TTC19: variants seen among roughly 807,000 people sequenced by gnomAD.
The protein encoded by TTC19 is tetratricopeptide repeat protein 19, mitochondrial.
A neutral mutation model predicts 49.5 loss-of-function variants in TTC19; 38 were observed. That is an observed-to-expected ratio of 0.77 (90% CI 0.59 to 1.01). The LOEUF (loss-of-function observed/expected upper bound fraction) is 1.01. Among genes scored for constraint, TTC19 ranks in the 50% least tolerant of loss-of-function variants. The pLI, the probability that TTC19 is intolerant of heterozygous loss-of-function variation, is 0.00. For synonymous variants in TTC19, 204 were observed against 185.2 expected (o/e 1.10, Z -0.83); for missense variants, 475 against 477.7 (o/e 0.99, Z 0.05).
At chr17:16,029,898 T>C (rs144790499), downstream of TTC19, 1 of 153,858 alleles carries the variant, frequency 6.5e-6, no homozygotes, top group African/African-American at 2.4e-5. Context: ...GGTCCTCAGG[T>C]AGAACTGCAA....
chr17:16,019,629 AG>A (rs1971312898), intron 7 of TTC19, among the ~76,000 whole-genome samples: 1 of 152,158 alleles, frequency 6.6e-6, no homozygotes, highest in Non-Finnish European at 1.5e-5. Context: ...TACAAGCTAA[AG>A]GTGGCCCTGT....
At chr17:16,021,126 G>A (rs774426884) in intron 7 of TTC19, among the ~76,000 whole-genome samples, 42 of 152,172 alleles carry the variant, frequency 2.8e-4, no homozygotes, top group Non-Finnish European at 5.4e-4. Context: ...AGTGGCTCAC[G>A]CCTGTAATCC....
chr17:16,010,782 A>C (rs971410479), intron 7 of TTC19, among the ~76,000 whole-genome samples: 2 of 151,894 alleles, frequency 1.3e-5, no homozygotes, highest in Admixed American at 6.6e-5. Context: ...CCTATTTTCA[A>C]CTCTTAACCA....
At chr17:16,029,920 T>A (rs1349702727), downstream of TTC19, 2 of 155,102 alleles carry the variant, frequency 1.3e-5, no homozygotes, top group Non-Finnish European at 2.9e-5. Flanking sequence ...AGTAAGAAGT[T>A]AGGCTCTGAT....
At chr17:16,023,166 G>T (rs775196531) in intron 7 of TTC19, among the ~76,000 whole-genome samples, 1 of 152,148 alleles carries the variant, frequency 6.6e-6, no homozygotes, top group African/African-American at 2.4e-5. Flanking sequence ...TTTTCAGAAA[G>T]TGTTTCCATT....
intron 2 of TTC19, chr17:16,041,404 C>CTTTTTTCTT (rs2057551774): frequency 1.9e-5 from 2 of 103,790 alleles, no homozygotes; most frequent in East Asian, 2.3e-4. Context: ...TGTGAAAGTT[C>CTTTTTTCTT]TTTTTTTTTT....
At chr17:16,004,893 C>G (rs970126826) in intron 6 of TTC19, among the ~76,000 whole-genome samples, 1 of 152,218 alleles carries the variant, frequency 6.6e-6, no homozygotes, top group African/African-American at 2.4e-5. Flanking sequence ...CCTGCATAGT[C>G]TCCTTGCATT....
Position 16,004,267 on chromosome 17 carries a change from G to A in TTC19, c.581+5G>A. 6.2e-7 allele frequency: 1 copy of A among 1,613,868 alleles called. No individual in the cohort carries two copies. Among genetic ancestry groups the A allele is most frequent in the Non-Finnish European group, 8.5e-7 (1 of 1,179,688 alleles). ...TATCTATGCTGCGCAGAACAGGTAAGTACAGCAGCCAGGGAGTAGGACTGT... is the reference window on the plus strand; with the variant it reads ...TATCTATGCTGCGCAGAACAGGTAAATACAGCAGCCAGGGAGTAGGACTGT... On this transcript the variant is annotated splice_donor_5th_base_variant and intron_variant, in intron 6 of 9. Coordinates refer to ENST00000261647, the MANE Select transcript of TTC19 (RefSeq NM_017775.4).
In TTC19 at chr17:16,025,217, A is replaced by G. The variant is rs756286251; in HGVS notation, c.831+46A>G. ...AGGGGGAATATAAAACAAAGGCTTCAAAATTGAAGGGTGTGAAATGTCACA... is the reference window on the plus strand; with the variant it reads ...AGGGGGAATATAAAACAAAGGCTTCGAAATTGAAGGGTGTGAAATGTCACA... On this transcript the variant is annotated intron_variant, in intron 8 of 9. Transcript: ENST00000261647. The G allele has an allele frequency of 4.4e-6, 7 of 1,588,232 alleles. No individual in the cohort carries two copies. The African/African-American group carries it at 8.1e-5, about 18-fold the overall frequency.
At chr17:16,002,765 T>A in intron 3 of TTC19, 28 bp from the exon 4 acceptor site, 1 of 1,612,344 alleles carries the variant, frequency 6.2e-7, no homozygotes, top group Non-Finnish European at 8.5e-7. Flanking sequence ...TATTCTAAAC[T>A]GAAAAACAAT....
intron 7 of TTC19, among the ~76,000 whole-genome samples, chr17:16,021,692 T>C (rs994928021): frequency 6.6e-6 from 1 of 152,218 alleles, no homozygotes; most frequent in African/African-American, 2.4e-5. Context: ...TGGTGTATGC[T>C]GCTTGACTTA....
At chr17:16,032,345 G>A (rs745396360), downstream of TTC19, 8 of 1,614,090 alleles carry the variant, frequency 5.0e-6, no homozygotes, top group South Asian at 8.8e-5. Context: ...GAGCAGTGGG[G>A]CAGGCTCTCG....
intron 7 of TTC19, among the ~76,000 whole-genome samples, chr17:16,007,835 T>C (rs1970957256): frequency 6.6e-6 from 1 of 152,220 alleles, no homozygotes; most frequent in Non-Finnish European, 1.5e-5. Context: ...TGACTGCAGA[T>C]AACTGAAACC....
rs1180963874 is a variant in TTC19, at chr17:16,020,315, T to C, written c.677-4702T>C. On this transcript the variant is annotated intron_variant, in intron 7 of 9. Transcript: ENST00000261647. ...TTTATCGGTTATTCAGATTACCTGC[T>C]CTGAAAATTATTTCTTCATATCTTT... 1.2e-4 allele frequency among the ~76,000 whole-genome samples: 18 copies of C among 152,244 alleles called. 1 individual carries two copies. The highest frequency in any genetic ancestry group is 1.2e-3 in the Admixed American group (18 of 15,288).
chr17:16,011,035 G>A (rs1038097920), intron 7 of TTC19, among the ~76,000 whole-genome samples: 5 of 152,074 alleles, frequency 3.3e-5, no homozygotes, highest in Non-Finnish European at 5.9e-5. Context: ...TTGTGGCTCC[G>A]TTTGTTATGT....
chr17:16,004,314 G>C (rs749738146), intron 6 of TTC19, 52 bp downstream of exon 6: 1 of 1,527,258 alleles, frequency 6.5e-7, no homozygotes, highest in Non-Finnish European at 9.1e-7. Context: ...TTTGACTCTG[G>C]GATGTTACAT....
downstream of TTC19, chr17:16,030,367 G>C: frequency 4.6e-6 from 1 of 216,438 alleles, no homozygotes; most frequent in South Asian, 1.9e-4. Context: ...TTGTTCAAGG[G>C]TCAACTGTAT....
chr17:16,009,905 TG>T (rs2151657060), intron 7 of TTC19, among the ~76,000 whole-genome samples: 1 of 152,248 alleles, frequency 6.6e-6, no homozygotes. Context: ...AAAATAGGAA[TG>T]GAACAAAGGC....
chr17:16,009,592 T>A (rs1489475567), intron 7 of TTC19, among the ~76,000 whole-genome samples: 1 of 152,220 alleles, frequency 6.6e-6, no homozygotes, highest in Non-Finnish European at 1.5e-5. Flanking sequence ...TTGCACAGTA[T>A]AGAAAATGTG....
Sources: gnomAD v4.1 joint callset for allele counts (sites outside exome capture counted in the v4.1 genomes callset) on GRCh38, gnomAD v4.1.1 for gene constraint, MANE v1.5 for transcripts, NCBI Gene and HGNC (gene_info 2026-07-23, HGNC 2026-07-21) for gene names.